The following SLIT1 variants were observed in gnomAD, a reference collection of about 807,000 sequenced individuals.
SLIT1 encodes the protein slit guidance ligand 1.
A neutral mutation model predicts 186.1 loss-of-function variants in SLIT1; 66 were observed. That is an observed-to-expected ratio of 0.35 (90% confidence interval 0.29 to 0.44). SLIT1 has a LOEUF of 0.44. Among genes scored for constraint, SLIT1 ranks in the 20% least tolerant of loss-of-function variants. The pLI is 1.00. For missense variants in SLIT1, 1,638 were observed against 2,037.4 expected, an observed-to-expected ratio of 0.80 and a Z score of 3.77; for synonymous variants, 761 against 833.8, an observed-to-expected ratio of 0.91 and a Z score of 1.50.
At position 97,034,528 on chromosome 10, in the gene SLIT1, TTGTTGCTCAGG is replaced by T; in HGVS notation, c.2370_2380del (p.Asp790GlufsTer50). On this transcript the variant is annotated frameshift_variant, in exon 23 of 37. Coordinates refer to ENST00000266058, the MANE Select transcript of SLIT1 (RefSeq NM_003061.3). LOFTEE classifies it high-confidence loss of function. ...GGAATTGCTTAAGGAACTGATCTTG[TTGTTGCTCAGG>T]TCCCTGGAAAAGGCAAAGGCATCAT... The T allele has an allele frequency of 6.2e-7, 1 of 1,613,610 alleles. No individual in the cohort carries two copies. Among genetic ancestry groups the T allele is most frequent in the Non-Finnish European group, 8.5e-7 (1 of 1,179,624 alleles).
chr10:97,096,818 T>C (rs1488036566), intron 4 of SLIT1, among the ~76,000 whole-genome samples: 1 of 152,208 alleles, frequency 6.6e-6, no homozygotes, highest in African/African-American at 2.4e-5. Flanking sequence ...TAGAAATGCC[T>C]GGGTGTGAAA....
At chr10:97,160,437 G>C (rs1850010683) in intron 3 of SLIT1, among the ~76,000 whole-genome samples, 1 of 152,232 alleles carries the variant, frequency 6.6e-6, no homozygotes, top group Non-Finnish European at 1.5e-5. Flanking sequence ...GTGGCAGACA[G>C]GGGTGGGTGT....
At position 97,006,774 on chromosome 10, in the gene SLIT1, C is replaced by T. The variant is rs1438582737; in HGVS notation, c.3342-54G>A. On this transcript the variant is annotated intron_variant, in intron 31 of 36. Transcript: ENST00000266058. This position sits in a 1 kb window ranked among gnomAD's most constrained non-coding sequence, Gnocchi z 4.0. ...GGCCAAGGAGGAAGGGAGTATCTTCCTCTCCCACAGCCCTGGAGAGAAATT... is the reference window on the plus strand; with the variant it reads ...GGCCAAGGAGGAAGGGAGTATCTTCTTCTCCCACAGCCCTGGAGAGAAATT... The T allele has an allele frequency of 1.6e-6, 2 of 1,216,290 alleles. No individual in the cohort carries two copies. The highest frequency in any genetic ancestry group is 2.4e-6 in the Non-Finnish European group (2 of 825,872). The allele number at this position is 1,216,290 out of a possible 1,614,324, so 75.3% of individuals were successfully genotyped here.
intron 4 of SLIT1, among the ~76,000 whole-genome samples, chr10:97,078,111 A>C (rs868115134): frequency 6.6e-6 from 1 of 152,180 alleles, no homozygotes; most frequent in Admixed American, 6.5e-5. Flanking sequence ...TATCTCAAAA[A>C]TTTAAAAAAT....
intron 4 of SLIT1, among the ~76,000 whole-genome samples, chr10:97,140,315 C>A (rs979175606): frequency 1.3e-5 from 2 of 152,168 alleles, no homozygotes; most frequent in African/African-American, 4.8e-5. Flanking sequence ...CTTTGTTACC[C>A]TGCAGCTCTC....
chr10:97,109,629 G>T (rs1210180229), intron 4 of SLIT1, among the ~76,000 whole-genome samples: 1 of 152,204 alleles, frequency 6.6e-6, no homozygotes, highest in Non-Finnish European at 1.5e-5. Flanking sequence ...ATGGAGTTTG[G>T]ATATTAACAT....
Position 97,000,419 on chromosome 10 carries a change from A to G in SLIT1, c.*693T>C, listed in dbSNP as rs1400558539. 6.6e-6 allele frequency: 1 copy of G among 152,328 alleles called. No individual in the cohort carries two copies. The highest frequency in any genetic ancestry group is 1.5e-5 in the Non-Finnish European group (1 of 68,124). The allele number at this position is 152,328 out of a possible 1,614,324, so 9.4% of individuals were successfully genotyped here. Reference sequence around the variant, plus strand: ...TTCCTCCACATAAGCCCTCGCAGCTACAGTAGTCATGCTAGAACTTTAGGA... The same window carrying G: ...TTCCTCCACATAAGCCCTCGCAGCTGCAGTAGTCATGCTAGAACTTTAGGA... On this transcript the variant is annotated 3_prime_UTR_variant, in exon 37 of 37. Transcript: ENST00000266058.
chr10:97,090,490 A>C (rs1849218726), intron 4 of SLIT1, among the ~76,000 whole-genome samples: 1 of 152,064 alleles, frequency 6.6e-6, no homozygotes, highest in Non-Finnish European at 1.5e-5. Flanking sequence ...CTGGGATGTG[A>C]GTTGGACTCA....
At chr10:97,008,653 G>A (rs1202951945) in intron 31 of SLIT1, among the ~76,000 whole-genome samples, 1 of 147,870 alleles carries the variant, frequency 6.8e-6, no homozygotes, top group African/African-American at 2.5e-5. Context: ...CCAAGATTGT[G>A]ACATTGCACT....
rs1189101724 is a variant in SLIT1, at chr10:97,184,717, A to G, written c.197+761T>C. Among the ~76,000 whole-genome samples the G allele has an allele frequency of 6.6e-6, 1 of 152,202 alleles. No individual in the cohort carries two copies. Among genetic ancestry groups the G allele is most frequent in the Non-Finnish European group, 1.5e-5 (1 of 68,036 alleles). On this transcript the variant is annotated intron_variant, in intron 1 of 36. Transcript: ENST00000266058. This position sits in a 1 kb window ranked among gnomAD's most constrained non-coding sequence, Gnocchi z 4.4. The stretch of plus-strand genomic sequence containing the variant: ...TTTTTTATTACTTGTCATGGTCAAT[A>G]TCTTTAACCTTGGGCCCCCCTCTCC...
chr10:97,006,776 C>CCT lies in SLIT1; in HGVS notation c.3342-57_3342-56insAG. 3.4e-6 allele frequency: 4 copies of CCT among 1,189,016 alleles called. No homozygotes were observed. The highest frequency in any genetic ancestry group is 5.0e-6 in the Non-Finnish European group (4 of 802,288). 73.7% of individuals were successfully genotyped at this position (1,189,016 alleles called of 1,614,324 possible). ...CCAAGGAGGAAGGGAGTATCTTCCT[C>CCT]TCCCACAGCCCTGGAGAGAAATTCA... is the stretch of plus-strand genomic sequence containing the variant. On this transcript the variant is annotated intron_variant, in intron 31 of 36. Transcript: ENST00000266058. This position sits in a 1 kb window ranked among gnomAD's most constrained non-coding sequence, Gnocchi z 4.0.
At position 97,001,070 on chromosome 10, in the gene SLIT1, G is replaced by A. The variant is rs1347916577; in HGVS notation, c.*42C>T. The A allele has an allele frequency of 5.8e-6, 9 of 1,542,480 alleles. No homozygotes were observed. In the Admixed American group the frequency reaches 1.5e-4, roughly 26 times the overall value. On this transcript the variant is annotated 3_prime_UTR_variant, in exon 37 of 37. Coordinates refer to ENST00000266058, the MANE Select transcript of SLIT1 (RefSeq NM_003061.3). ...GACTGTCTCCGCTGCTGCAGCGGCTGGGGCCCCTTGCCCGCCCTCACCGGC... is the reference window on the plus strand; with the variant it reads ...GACTGTCTCCGCTGCTGCAGCGGCTAGGGCCCCTTGCCCGCCCTCACCGGC...
At chr10:97,175,512 C>G (rs117020164) in intron 1 of SLIT1, among the ~76,000 whole-genome samples, 3,487 of 152,318 alleles carry the variant, frequency 0.023, 62 homozygotes, top group Non-Finnish European at 0.034. Flanking sequence ...TCCCCACCAA[C>G]AGCGTGCACA....
intron 20 of SLIT1, among the ~76,000 whole-genome samples, chr10:97,042,377 T>C (rs1426177853): frequency 6.6e-6 from 1 of 152,050 alleles, no homozygotes; most frequent in East Asian, 1.9e-4. Context: ...ACAGTGACCT[T>C]CCGTGCTTGG....
intron 27 of SLIT1, 95 bp from the exon 28 acceptor site, chr10:97,018,778 G>T (rs1848476958): frequency 1.3e-6 from 1 of 743,330 alleles, no homozygotes; most frequent in Middle Eastern, 2.3e-4. Flanking sequence ...GCCTCTCCCT[G>T]TCCCAGGAGT....
chr10:97,006,790 G>C lies in SLIT1; in HGVS notation c.3342-70C>G. The C allele has an allele frequency of 9.5e-7, 1 of 1,049,296 alleles. No homozygotes were observed. The highest frequency in any genetic ancestry group is 1.4e-5 in the South Asian group (1 of 72,668). 65.0% of individuals were successfully genotyped at this position (1,049,296 alleles called of 1,614,324 possible). A position where few individuals can be genotyped will look rare whatever the true frequency, so the allele number is the denominator to read the frequency against. ...AGTATCTTCCTCTCCCACAGCCCTG[G>C]AGAGAAATTCACTAAACATCTTGGG... On this transcript the variant is annotated intron_variant, in intron 31 of 36. Coordinates refer to ENST00000266058, the MANE Select transcript of SLIT1 (RefSeq NM_003061.3). The surrounding 1 kb of genome is among the most constrained non-coding windows in gnomAD (Gnocchi z 4.0).
intron 1 of SLIT1, among the ~76,000 whole-genome samples, chr10:97,170,750 G>A (rs963196355): frequency 2.6e-5 from 4 of 152,198 alleles, no homozygotes; most frequent in African/African-American, 7.2e-5. Context: ...AAAATCCTCC[G>A]AAGCAAAGTT....
At chr10:97,061,608 T>G (rs2134637833) in intron 8 of SLIT1, among the ~76,000 whole-genome samples, 1 of 152,384 alleles carries the variant, frequency 6.6e-6, no homozygotes, top group South Asian at 2.1e-4. Context: ...TTCACTATGT[T>G]GCTGTGTGTA....
Position 97,114,485 on chromosome 10 carries a change from C to A in SLIT1, c.413+43333G>T, listed in dbSNP as rs553900754. 2.6e-5 allele frequency among the ~76,000 whole-genome samples: 4 copies of A among 152,194 alleles called. No homozygotes were observed. In the East Asian group the frequency reaches 5.8e-4, roughly 22 times the overall value. On this transcript the variant is annotated intron_variant, in intron 4 of 36. Transcript: ENST00000266058. ...GCCTAGGAAACAAGACCAGCCTGGG[C>A]AACAAAAATTTTTTAATTAATTGGG...
Sources: allele counts gnomAD v4.1 joint callset (sites outside exome capture counted in the v4.1 genomes callset), GRCh38; gene constraint gnomAD v4.1.1; non-coding constraint Gnocchi (gnomAD v3.1); transcripts MANE v1.5; gene names NCBI Gene and HGNC (gene_info 2026-07-23, HGNC 2026-07-21).